Variants in PPARGC1A observed in about 807,000 individuals in gnomAD.
PPARGC1A encodes the protein PPARG coactivator 1 alpha.
A neutral mutation model predicts 88.7 loss-of-function variants in PPARGC1A; 25 were observed. The observed-to-expected ratio is 0.28, with a 90% CI of 0.21 to 0.39. PPARGC1A has a LOEUF of 0.39. Among genes scored for constraint, PPARGC1A ranks in the 10% least tolerant of loss-of-function variants. The pLI is 1.00. For missense variants in PPARGC1A, 880 were observed against 968.7 expected, an observed-to-expected ratio of 0.91 and a Z score of 1.22; for synonymous variants, 363 against 355.6, an observed-to-expected ratio of 1.02 and a Z score of -0.24.
chr4:23,961,390 A>G, the PPARGC1A span, among the ~76,000 whole-genome samples: 1 of 152,180 alleles, frequency 6.6e-6, no homozygotes, highest in Non-Finnish European at 1.5e-5. Context: ...TACAGAAACC[A>G]TAGGACAGTG....
the PPARGC1A span, among the ~76,000 whole-genome samples, chr4:24,137,188 T>A: frequency 6.6e-6 from 1 of 151,128 alleles, no homozygotes; most frequent in Non-Finnish European, 1.5e-5. Flanking sequence ...ATGCCTGGTG[T>A]CCTTATAAGG....
chr4:24,390,928 A>G, the PPARGC1A span, among the ~76,000 whole-genome samples: 1 of 152,086 alleles, frequency 6.6e-6, no homozygotes, highest in Non-Finnish European at 1.5e-5. Context: ...GCCTTAAAAT[A>G]TCAGAGGAAA....
the PPARGC1A span, among the ~76,000 whole-genome samples, chr4:24,175,642 C>T: frequency 1.3e-5 from 2 of 150,528 alleles, no homozygotes; most frequent in Admixed American, 1.3e-4. Context: ...CCCGCCTCGG[C>T]GTCCCAAAGT....
Position 23,813,608 on chromosome 4 carries a change from T to C in PPARGC1A, c.1793+82A>G. The C allele has an allele frequency of 5.3e-6, 7 of 1,316,364 alleles. No homozygotes were observed. The South Asian group carries it at 1.1e-4, about 21-fold the overall frequency. 81.5% of individuals were successfully genotyped at this position (1,316,364 alleles called of 1,614,324 possible). On this transcript the variant is annotated intron_variant, in intron 8 of 12. Transcript: ENST00000264867. ...GTCAGGGGCCAGAATGGCTGCAGATTTCAAATTTTTATTTGTATTTTATTT... is the reference window on the plus strand; with the variant it reads ...GTCAGGGGCCAGAATGGCTGCAGATCTCAAATTTTTATTTGTATTTTATTT...
chr4:23,880,346 T>C (rs1328134206), intron 2 of PPARGC1A, among the ~76,000 whole-genome samples: 1 of 152,196 alleles, frequency 6.6e-6, no homozygotes. Flanking sequence ...ATCTTCACAT[T>C]ACCTAACGCA....
chr4:23,830,305 A>C (rs562261793), intron 3 of PPARGC1A, among the ~76,000 whole-genome samples: 11 of 152,360 alleles, frequency 7.2e-5, no homozygotes, highest in African/African-American at 2.2e-4. Flanking sequence ...GTTCTGACAC[A>C]GGCAAAGTAT....
At chr4:24,145,465 A>G in the PPARGC1A span, among the ~76,000 whole-genome samples, 20 of 152,068 alleles carry the variant, frequency 1.3e-4, no homozygotes, top group African/African-American at 4.8e-4. Context: ...ACCTCATCAA[A>G]CCCTTAACCT....
At chr4:24,429,507 C>T in the PPARGC1A span, among the ~76,000 whole-genome samples, 11 of 152,174 alleles carry the variant, frequency 7.2e-5, no homozygotes, top group African/African-American at 2.4e-4. Flanking sequence ...AAACAAATAA[C>T]TCTGCCTAAA....
At chr4:24,249,691 A>G in the PPARGC1A span, among the ~76,000 whole-genome samples, 1 of 152,240 alleles carries the variant, frequency 6.6e-6, no homozygotes, top group Non-Finnish European at 1.5e-5. Flanking sequence ...GCAGGGAAAC[A>G]TGACATAAAG....
chr4:24,459,654 G>C, the PPARGC1A span, among the ~76,000 whole-genome samples: 1 of 152,150 alleles, frequency 6.6e-6, no homozygotes. Flanking sequence ...GCCAGGCATG[G>C]TGTTGCACAC....
At chr4:23,829,346 T>C (rs1724582553) in intron 4 of PPARGC1A, 117 bp downstream of exon 4, 7 of 1,122,624 alleles carry the variant, frequency 6.2e-6, no homozygotes, top group Admixed American at 5.8e-5. Flanking sequence ...TATTTCATCA[T>C]TATGAGGCAG....
the PPARGC1A span, among the ~76,000 whole-genome samples, chr4:23,951,919 T>A: frequency 6.6e-6 from 1 of 152,150 alleles, no homozygotes; most frequent in Non-Finnish European, 1.5e-5. Context: ...TGATGAAAGG[T>A]AGTTGTTCAT....
chr4:24,100,546 A>C, the PPARGC1A span, among the ~76,000 whole-genome samples: 1 of 152,232 alleles, frequency 6.6e-6, no homozygotes. Flanking sequence ...TGACAAGTGC[A>C]TGACGCCGCC....
chr4:24,370,630 AC>A, the PPARGC1A span, among the ~76,000 whole-genome samples: 2 of 151,924 alleles, frequency 1.3e-5, no homozygotes, highest in Admixed American at 6.6e-5. Context: ...AAGGCCAGCC[AC>A]AAGGGAGAAT....
chr4:23,863,954 C>G (rs912937218), intron 2 of PPARGC1A, among the ~76,000 whole-genome samples: 1 of 152,110 alleles, frequency 6.6e-6, no homozygotes, highest in African/African-American at 2.4e-5. Context: ...TCTAGGTTGG[C>G]CAGACTGGTC....
chr4:23,837,003 G>A, intron 2 of PPARGC1A, among the ~76,000 whole-genome samples: 2 of 152,246 alleles, frequency 1.3e-5, no homozygotes, highest in East Asian at 3.9e-4. Flanking sequence ...ACCATGCCCT[G>A]CTTATGTTAG....
the PPARGC1A span, among the ~76,000 whole-genome samples, chr4:24,319,818 A>G: frequency 2.0e-5 from 3 of 152,224 alleles, no homozygotes; most frequent in Non-Finnish European, 1.5e-5. Context: ...TGAATTCACT[A>G]TAAGAGGGAT....
chr4:24,320,225 G>A, the PPARGC1A span, among the ~76,000 whole-genome samples: 1 of 152,200 alleles, frequency 6.6e-6, no homozygotes, highest in Non-Finnish European at 1.5e-5. Flanking sequence ...TTTCCTGGAG[G>A]TTTAAGCAAT....
chr4:24,384,783 C>T, the PPARGC1A span, among the ~76,000 whole-genome samples: 1 of 152,230 alleles, frequency 6.6e-6, no homozygotes, highest in African/African-American at 2.4e-5. Flanking sequence ...GACTCCCACA[C>T]AATAATAGTG....
Sources: allele counts gnomAD v4.1 joint callset (sites outside exome capture counted in the v4.1 genomes callset), GRCh38; gene constraint gnomAD v4.1.1; transcripts MANE v1.5; gene names NCBI Gene and HGNC (gene_info 2026-07-23, HGNC 2026-07-21).